Variants in MARCHF1 observed in about 807,000 individuals in gnomAD.
The protein encoded by MARCHF1 is E3 ubiquitin-protein ligase MARCHF1.
A neutral mutation model predicts 54.2 loss-of-function variants in MARCHF1; 40 were observed. The observed-to-expected ratio is 0.74, with a 90% CI of 0.57 to 0.96. MARCHF1 has a LOEUF of 0.96. Ranked by LOEUF, MARCHF1 falls within the 40% of genes least tolerant of loss-of-function variation. MARCHF1 has a pLI of 0.00. For missense variants in MARCHF1, 586 were observed against 656.5 expected (o/e 0.89, Z 1.17); for synonymous variants, 236 against 236.3 (o/e 1.00, Z 0.01).
In MARCHF1 at chr4:164,226,196, A is replaced by T. The variant is rs1022224939; in HGVS notation, c.-322-114534T>A. ...GCCCCACTAACCCATTTACACAAATAGCCAAATTTCAAACAGACTAATTAA... is the reference window on the plus strand; with the variant it reads ...GCCCCACTAACCCATTTACACAAATTGCCAAATTTCAAACAGACTAATTAA... On this transcript the variant is annotated intron_variant, in intron 1 of 9. Transcript: ENST00000514618. 2.0e-5 allele frequency among the ~76,000 whole-genome samples: 3 copies of T among 152,110 alleles called. No individual in the cohort carries two copies. The South Asian group carries it at 6.2e-4, about 31-fold the overall frequency.
intron 1 of MARCHF1, among the ~76,000 whole-genome samples, chr4:164,340,890 G>A (rs191642732): frequency 7.5e-6 from 1 of 133,848 alleles, no homozygotes; most frequent in Admixed American, 7.9e-5. Flanking sequence ...ACATTACCTT[G>A]ATACCAAAGA....
intron 3 of MARCHF1, among the ~76,000 whole-genome samples, chr4:163,986,854 A>G (rs1371901762): frequency 1.3e-5 from 2 of 152,222 alleles, no homozygotes; most frequent in Non-Finnish European, 2.9e-5. Context: ...ACATCTACAG[A>G]AAGAGATTTC....
intron 4 of MARCHF1, among the ~76,000 whole-genome samples, chr4:163,809,376 T>G (rs1748320503): frequency 6.6e-6 from 1 of 152,216 alleles, no homozygotes; most frequent in Admixed American, 6.5e-5. Context: ...GCTGTGACAT[T>G]TGCATTTTAT....
At position 164,121,298 on chromosome 4, in the gene MARCHF1, T is replaced by G. The variant is rs138961529; in HGVS notation, c.-322-9636A>C. 3.1e-3 allele frequency among the ~76,000 whole-genome samples: 466 copies of G among 152,168 alleles called. 1 individual carries two copies. The highest frequency in any genetic ancestry group is 0.011 in the African/African-American group (439 of 41,542). On this transcript the variant is annotated intron_variant, in intron 1 of 9. Coordinates refer to ENST00000514618, the MANE Select transcript of MARCHF1 (RefSeq NM_001394959.1). ...AATCCAAAACCTGAACAGACCTGTATTCTCCATTCTCACGCTGCTATAAAG... is the reference window on the plus strand; with the variant it reads ...AATCCAAAACCTGAACAGACCTGTAGTCTCCATTCTCACGCTGCTATAAAG...
chr4:164,346,886 T>C (rs940918343), intron 1 of MARCHF1, among the ~76,000 whole-genome samples: 8 of 152,006 alleles, frequency 5.3e-5, no homozygotes, highest in Non-Finnish European at 8.8e-5. Flanking sequence ...AGTATCCCTC[T>C]TTAAACATCT....
chr4:163,694,098 G>T (rs1036105394), intron 5 of MARCHF1, among the ~76,000 whole-genome samples: 1 of 152,084 alleles, frequency 6.6e-6, no homozygotes, highest in East Asian at 1.9e-4. Flanking sequence ...GAGCCCATTC[G>T]GCTAATCAAT....
chr4:163,621,688 A>G (rs1360583955), intron 5 of MARCHF1, among the ~76,000 whole-genome samples: 4 of 152,192 alleles, frequency 2.6e-5, no homozygotes, highest in Non-Finnish European at 5.9e-5. Flanking sequence ...TTTGCAGCAT[A>G]CAGGAACACT....
chr4:163,740,827 C>G (rs1295817273), intron 4 of MARCHF1, among the ~76,000 whole-genome samples: 2 of 152,094 alleles, frequency 1.3e-5, no homozygotes, highest in Non-Finnish European at 2.9e-5. Flanking sequence ...TGAAGAAACT[C>G]TAGAGCTCAT....
intron 2 of MARCHF1, among the ~76,000 whole-genome samples, chr4:164,098,568 G>A (rs1174294321): frequency 6.6e-6 from 1 of 152,158 alleles, no homozygotes; most frequent in African/African-American, 2.4e-5. Flanking sequence ...TCTGGGATTG[G>A]TATTTTAAAA....
At chr4:163,986,466 G>A (rs1193256176) in intron 3 of MARCHF1, among the ~76,000 whole-genome samples, 3 of 151,136 alleles carry the variant, frequency 2.0e-5, no homozygotes, top group East Asian at 2.0e-4. Flanking sequence ...GGGTTTCACC[G>A]AGTTAGACCA....
At chr4:164,197,301 T>A in intron 1 of MARCHF1, 1 of 1,611,834 alleles carries the variant, frequency 6.2e-7, no homozygotes, top group South Asian at 1.1e-5. Flanking sequence ...GATATGTGAG[T>A]TGCAGGAGAA....
intron 4 of MARCHF1, among the ~76,000 whole-genome samples, chr4:163,734,550 A>G (rs1004830858): frequency 6.6e-6 from 1 of 151,804 alleles, no homozygotes; most frequent in Non-Finnish European, 1.5e-5. Flanking sequence ...GCTAGACCAA[A>G]AAAAGAAAAA....
chr4:164,015,601 C>T (rs1753522997), intron 2 of MARCHF1, among the ~76,000 whole-genome samples: 1 of 151,902 alleles, frequency 6.6e-6, no homozygotes, highest in African/African-American at 2.4e-5. Flanking sequence ...TCTCAAACAA[C>T]TCAATAGCAA....
At chr4:164,187,056 ATCT>A (rs1730989145) in intron 1 of MARCHF1, among the ~76,000 whole-genome samples, 1 of 151,862 alleles carries the variant, frequency 6.6e-6, no homozygotes, top group African/African-American at 2.4e-5. Context: ...AATGCACATA[ATCT>A]TCTGATCTTG....
chr4:164,343,488 A>G (rs1188601512), intron 1 of MARCHF1, among the ~76,000 whole-genome samples: 1 of 152,178 alleles, frequency 6.6e-6, no homozygotes, highest in Non-Finnish European at 1.5e-5. Flanking sequence ...TAGTATTGAG[A>G]ATCTGTAAGG....
rs552708827 is a variant in MARCHF1, at chr4:164,086,965, T to C, written c.-248+24623A>G. On this transcript the variant is annotated intron_variant, in intron 2 of 9. Transcript: ENST00000514618. ...CACCTTTAGTAAGTTTCATTTTAAT[T>C]TGGCACCTAGTACAATGCCTGGAGC... Among the ~76,000 whole-genome samples, 10 of 152,178 alleles carry C rather than the reference T, an allele frequency of 6.6e-5. No homozygotes were observed. The East Asian group carries it at 1.2e-3, about 18-fold the overall frequency.
At chr4:163,594,799 C>T (rs1740709989) in intron 7 of MARCHF1, among the ~76,000 whole-genome samples, 1 of 151,522 alleles carries the variant, frequency 6.6e-6, no homozygotes, top group African/African-American at 2.4e-5. Context: ...CAAACCCAAA[C>T]AAGATAAATG....
chr4:164,317,371 T>C (rs988466529), intron 1 of MARCHF1, among the ~76,000 whole-genome samples: 1 of 152,098 alleles, frequency 6.6e-6, no homozygotes, highest in Non-Finnish European at 1.5e-5. Context: ...GCTGGTAGAG[T>C]AGCACCTCAA....
intron 1 of MARCHF1, among the ~76,000 whole-genome samples, chr4:164,237,389 GC>G (rs1303430686): frequency 6.6e-6 from 1 of 151,882 alleles, no homozygotes; most frequent in African/African-American, 2.4e-5. Context: ...TGTTTGCTTG[GC>G]ATTGCTCTAT....
Sources: gnomAD v4.1 joint callset for allele counts (sites outside exome capture counted in the v4.1 genomes callset) on GRCh38, gnomAD v4.1.1 for gene constraint, MANE v1.5 for transcripts, NCBI Gene and HGNC (gene_info 2026-07-23, HGNC 2026-07-21) for gene names.